Variants in ENPP1 observed in about 807,000 individuals in gnomAD.
ENPP1 encodes the protein ectonucleotide pyrophosphatase/phosphodiesterase 1.
A neutral mutation model predicts 122.8 loss-of-function variants in ENPP1; 73 were observed. That is an observed-to-expected ratio of 0.59 (90% confidence interval 0.49 to 0.72). ENPP1 has a LOEUF of 0.72. Ranked by LOEUF, ENPP1 falls within the 30% of genes least tolerant of loss-of-function variation. The pLI, the probability that ENPP1 is intolerant of heterozygous loss-of-function variation, is 0.00. For missense variants in ENPP1, 978 were observed against 1,128.1 expected (o/e 0.87, Z 1.91); for synonymous variants, 367 against 391.6 (o/e 0.94, Z 0.74).
chr6:131,849,630 A>G (rs916976316), intron 2 of ENPP1, among the ~76,000 whole-genome samples: 3 of 152,332 alleles, frequency 2.0e-5, no homozygotes, highest in African/African-American at 4.8e-5. Context: ...GCTTAAGCCA[A>G]CTTTTTCATA....
At chr6:131,827,752 G>A (rs1781562856) in intron 1 of ENPP1, 1 of 718,300 alleles carries the variant, frequency 1.4e-6, no homozygotes, top group Non-Finnish European at 2.6e-6. Context: ...GCCACTGGAA[G>A]TTGGGCTTTC....
At chr6:131,859,689 G>C (rs1348094869) in intron 7 of ENPP1, among the ~76,000 whole-genome samples, 2 of 152,132 alleles carry the variant, frequency 1.3e-5, no homozygotes, top group Non-Finnish European at 2.9e-5. Flanking sequence ...GCCTCTAGTG[G>C]ACAAGGGCCC....
chr6:131,813,046 G>T (rs1202239415), intron 1 of ENPP1, among the ~76,000 whole-genome samples: 1 of 152,050 alleles, frequency 6.6e-6, no homozygotes, highest in Non-Finnish European at 1.5e-5. Context: ...TCACTTTGTT[G>T]CCCAGGCTGG....
At position 131,868,020 on chromosome 6, in the gene ENPP1, C is replaced by T. The variant is rs1366653964; in HGVS notation, c.1167C>T (p.Val389=). Residue 389 remains valine, a splice_region_variant and synonymous_variant, in exon 12 of 25, where the codon GTC becomes GTT. Coordinates refer to ENST00000647893, the MANE Select transcript of ENPP1 (RefSeq NM_006208.3). ...GHSYGPVSSE[V]IKALQRVDGM... Reference sequence around the variant, plus strand: ...AGGTTGTTGCTTCCCATTCTTAGGTCATCAAAGCCTTGCAGAGGGTTGATG... The same window carrying T: ...AGGTTGTTGCTTCCCATTCTTAGGTTATCAAAGCCTTGCAGAGGGTTGATG... The T allele has an allele frequency of 6.2e-7, 1 of 1,608,796 alleles. No homozygotes were observed. Among genetic ancestry groups the T allele is most frequent in the African/African-American group, 1.3e-5 (1 of 74,386 alleles).
intron 1 of ENPP1, among the ~76,000 whole-genome samples, chr6:131,812,653 A>T (rs1280467908): frequency 6.6e-6 from 1 of 152,198 alleles, no homozygotes; most frequent in Non-Finnish European, 1.5e-5. Context: ...TGGCTCGGGG[A>T]AACACTTTCT....
At chr6:131,820,105 C>A (rs1349123634) in intron 1 of ENPP1, 2 of 455,152 alleles carry the variant, frequency 4.4e-6, no homozygotes, top group Non-Finnish European at 8.2e-6. Context: ...GCCCCCCTTC[C>A]CTGCTTCGGA....
chr6:131,838,178 A>G (rs1039497731), intron 1 of ENPP1, among the ~76,000 whole-genome samples: 24 of 152,332 alleles, frequency 1.6e-4, no homozygotes, highest in African/African-American at 5.5e-4. Flanking sequence ...TAGAGAAAAT[A>G]AGACAGATTC....
At chr6:131,884,836 T>C (rs1256909505) in intron 22 of ENPP1, 95 bp from the exon 23 acceptor site, 14 of 1,403,052 alleles carry the variant, frequency 1.0e-5, no homozygotes, top group Admixed American at 1.7e-5. Flanking sequence ...TTATTTACTA[T>C]AAATGCTAAT....
chr6:131,827,504 A>G, intron 1 of ENPP1: 1 of 632,068 alleles, frequency 1.6e-6, no homozygotes, highest in Non-Finnish European at 2.9e-6. Context: ...CTGCGAAGGA[A>G]TAGACACACT....
intron 6 of ENPP1, among the ~76,000 whole-genome samples, chr6:131,855,914 T>G (rs375432162): frequency 6.6e-5 from 10 of 152,106 alleles, no homozygotes; most frequent in Non-Finnish European, 1.5e-4. Context: ...TGGACTAAAA[T>G]AGATGTAAGT....
chr6:131,872,734 G>A (rs1321556156), intron 14 of ENPP1, among the ~76,000 whole-genome samples, 189 bp from the exon 15 acceptor site: 1 of 151,768 alleles, frequency 6.6e-6, no homozygotes, highest in Non-Finnish European at 1.5e-5. Context: ...CTGACTTATT[G>A]GGCCAGCTGA....
intron 18 of ENPP1, 49 bp downstream of exon 18, chr6:131,877,210 C>T: frequency 6.5e-7 from 1 of 1,531,946 alleles, no homozygotes; most frequent in South Asian, 1.1e-5. Context: ...TTGATAGCAC[C>T]CTCTGCATAG....
intron 20 of ENPP1, among the ~76,000 whole-genome samples, chr6:131,880,725 T>C (rs2114724664): frequency 6.6e-6 from 1 of 152,234 alleles, no homozygotes; most frequent in Admixed American, 6.5e-5. Context: ...GACAAGTATT[T>C]CCCTCAGCTG....
At chr6:131,849,355 G>A (rs372159511) in intron 2 of ENPP1, among the ~76,000 whole-genome samples, 2 of 152,024 alleles carry the variant, frequency 1.3e-5, no homozygotes, top group East Asian at 3.9e-4. Context: ...TTTTATATGA[G>A]CTTAAAAAAA....
chr6:131,833,195 T>C (rs1191609944), intron 1 of ENPP1, among the ~76,000 whole-genome samples: 1 of 152,212 alleles, frequency 6.6e-6, no homozygotes, highest in Non-Finnish European at 1.5e-5. Flanking sequence ...AAGAATCTAT[T>C]TCTCCTTATG....
Position 131,886,843 on chromosome 6 carries a change from G to A in ENPP1, c.2607+119G>A, listed in dbSNP as rs113362297. 874 of 689,106 alleles carry A rather than the reference G, an allele frequency of 1.3e-3. 4 individuals are homozygous for A. Among genetic ancestry groups the A allele is most frequent in the African/African-American group, 0.012 (648 of 54,490 alleles). The allele number at this position is 689,106 out of a possible 1,614,324, so 42.7% of individuals were successfully genotyped here. A position where few individuals can be genotyped will look rare whatever the true frequency, so the allele number is the denominator to read the frequency against. Reference sequence around the variant, plus strand: ...GCACAACTGAGTACACATGGACTTCGAAATTATAGGATGCTTTTAAATTTG... The same window carrying A: ...GCACAACTGAGTACACATGGACTTCAAAATTATAGGATGCTTTTAAATTTG... On this transcript the variant is annotated intron_variant, in intron 24 of 24. Coordinates refer to ENST00000647893, the MANE Select transcript of ENPP1 (RefSeq NM_006208.3).
At chr6:131,837,172 T>TAGTGTGTGTG (rs1554277406) in intron 1 of ENPP1, among the ~76,000 whole-genome samples, 1 of 135,974 alleles carries the variant, frequency 7.4e-6, no homozygotes, top group Admixed American at 7.4e-5. Flanking sequence ...CCTGTTGTCA[T>TAGTGTGTGTG]TGTGTGTGTG....
intron 1 of ENPP1, among the ~76,000 whole-genome samples, chr6:131,811,376 A>ACATATCTATATCTATATC (rs1554275480): frequency 1.5e-5 from 2 of 131,280 alleles, no homozygotes; most frequent in African/African-American, 6.0e-5. Flanking sequence ...ATCTATATCT[A>ACATATCTATATCTATATC]TATATCTATA....
intron 15 of ENPP1, among the ~76,000 whole-genome samples, chr6:131,873,421 A>G (rs894081288): frequency 6.6e-6 from 1 of 152,126 alleles, no homozygotes; most frequent in Non-Finnish European, 1.5e-5. Flanking sequence ...TCATATACAT[A>G]TTGATTACTT....
Sources: gnomAD v4.1 joint callset for allele counts (sites outside exome capture counted in the v4.1 genomes callset) on GRCh38, gnomAD v4.1.1 for gene constraint, MANE v1.5 for transcripts, NCBI Gene and HGNC (gene_info 2026-07-23, HGNC 2026-07-21) for gene names.